Variants in PRR5L observed in about 807,000 individuals in gnomAD.
PRR5L encodes proline-rich protein 5-like.
A neutral mutation model predicts 36.4 loss-of-function variants in PRR5L; 21 were observed. The ratio of observed to expected loss-of-function variants is 0.58; its 90% confidence interval spans 0.41 to 0.83. The LOEUF (loss-of-function observed/expected upper bound fraction) is 0.83, where lower values mean the gene tolerates loss of function less well. PRR5L is among the 40% of genes least tolerant of loss of function. The pLI is 0.00. For synonymous variants in PRR5L, 188 were observed against 197.0 expected (o/e 0.95, Z 0.38); for missense variants, 381 against 473.3 (o/e 0.80, Z 1.81).
At chr11:36,333,362 T>C (rs2133474002) in intron 1 of PRR5L, among the ~76,000 whole-genome samples, 1 of 152,262 alleles carries the variant, frequency 6.6e-6, no homozygotes, top group South Asian at 2.1e-4. Flanking sequence ...CCATACGACC[T>C]GGCCATTCCA....
intron 8 of PRR5L, among the ~76,000 whole-genome samples, chr11:36,456,226 A>T (rs1859054250): frequency 6.6e-6 from 1 of 152,270 alleles, no homozygotes; most frequent in Middle Eastern, 3.4e-3. Context: ...GCCCAGCTAA[A>T]GGTGGCCTGG....
intron 3 of PRR5L, among the ~76,000 whole-genome samples, chr11:36,417,258 T>C (rs1858164523): frequency 6.6e-6 from 1 of 152,208 alleles, no homozygotes; most frequent in South Asian, 2.1e-4. Context: ...TCTTCACCTA[T>C]GGTTTTGAGA....
chr11:36,431,923 C>A lies in PRR5L; in HGVS notation c.352+13C>A. On this transcript the variant is annotated intron_variant, in intron 5 of 8. Transcript: ENST00000530639. ...AAGCTGTGTGAAGGCAAGTACAAGA[C>A]AGCCCTGGTAGACTGGGGCCTCTGT... The A allele has an allele frequency of 3.1e-6, 5 of 1,612,544 alleles. No individual in the cohort carries two copies. Among genetic ancestry groups the A allele is most frequent in the Non-Finnish European group, 3.4e-6 (4 of 1,178,640 alleles).
chr11:36,401,550 G>A (rs953431887), intron 2 of PRR5L, among the ~76,000 whole-genome samples: 2 of 151,978 alleles, frequency 1.3e-5, no homozygotes, highest in Non-Finnish European at 1.5e-5. Context: ...CCAGCCTCCC[G>A]AGTAGCTGGG....
At position 36,408,978 on chromosome 11, in the gene PRR5L, G is replaced by A. The variant is rs143480462; in HGVS notation, c.245+5600G>A. On this transcript the variant is annotated intron_variant, in intron 3 of 8. Transcript: ENST00000530639. ...CTGCCCAGTACTGGGCTGTATACTG[G>A]GGTGGTCATTGAGTAGGTGGTTTGT... Among the ~76,000 whole-genome samples the A allele has an allele frequency of 1.1e-3, 161 of 152,206 alleles. 2 individuals carry two copies. Among genetic ancestry groups the A allele is most frequent in the Non-Finnish European group, 1.8e-3 (122 of 68,004 alleles).
chr11:36,444,686 C>A (rs941459592), intron 6 of PRR5L, among the ~76,000 whole-genome samples: 6 of 152,176 alleles, frequency 3.9e-5, no homozygotes, highest in Admixed American at 3.9e-4. Context: ...TCTTTCCTTC[C>A]CACCAGAATT....
intron 1 of PRR5L, among the ~76,000 whole-genome samples, chr11:36,313,666 C>G (rs1856526904): frequency 6.6e-6 from 1 of 152,148 alleles, no homozygotes; most frequent in Admixed American, 6.5e-5. Flanking sequence ...ATGAAAAAGC[C>G]AAGCACCTCA....
intron 1 of PRR5L, chr11:36,362,324 C>G (rs1857098717): frequency 6.6e-6 from 1 of 151,830 alleles, no homozygotes; most frequent in African/African-American, 2.4e-5. Flanking sequence ...CTTTTAGCAC[C>G]AAAGTGCTGA....
At chr11:36,445,550 GAGC>G in intron 6 of PRR5L, among the ~76,000 whole-genome samples, 1 of 152,104 alleles carries the variant, frequency 6.6e-6, no homozygotes, top group East Asian at 1.9e-4. Flanking sequence ...TGGGAAACTT[GAGC>G]AGCTCTAAAA....
At chr11:36,301,558 G>C (rs1250973379) in intron 1 of PRR5L, among the ~76,000 whole-genome samples, 1 of 152,156 alleles carries the variant, frequency 6.6e-6, no homozygotes. Flanking sequence ...GTCAGTGTGT[G>C]TGTAGGGGGC....
chr11:36,443,298 A>C (rs1858761691), intron 6 of PRR5L, among the ~76,000 whole-genome samples: 1 of 152,118 alleles, frequency 6.6e-6, no homozygotes, highest in Admixed American at 6.5e-5. Flanking sequence ...ATTAATTGAG[A>C]ACTCACTTAT....
chr11:36,348,571 T>A (rs1856891090), intron 1 of PRR5L, among the ~76,000 whole-genome samples: 1 of 152,242 alleles, frequency 6.6e-6, no homozygotes, highest in African/African-American at 2.4e-5. Flanking sequence ...TGTATTGATT[T>A]GCATCATAAA....
At position 36,308,584 on chromosome 11, in the gene PRR5L, G is replaced by A. The variant is rs1856459198; in HGVS notation, c.-126+12146G>A. Among the ~76,000 whole-genome samples the A allele has an allele frequency of 2.0e-5, 3 of 152,178 alleles. No individual in the cohort carries two copies. In the South Asian group the frequency reaches 6.2e-4, roughly 31 times the overall value. On this transcript the variant is annotated intron_variant, in intron 1 of 8. Coordinates refer to ENST00000530639, the MANE Select transcript of PRR5L (RefSeq NM_001160167.2). ...ATAGTATTGCATTTTAGATTTAGAG[G>A]ACTTTGGAAAGACCTGCTTGACCTC...
At chr11:36,343,089 C>T (rs531976155) in intron 1 of PRR5L, among the ~76,000 whole-genome samples, 10 of 152,300 alleles carry the variant, frequency 6.6e-5, no homozygotes, top group African/African-American at 9.6e-5. Context: ...GAAGGGCTGA[C>T]GATCTCAAAG....
intron 1 of PRR5L, among the ~76,000 whole-genome samples, chr11:36,381,023 A>G (rs917211293): frequency 1.3e-5 from 2 of 152,220 alleles, no homozygotes; most frequent in Non-Finnish European, 2.9e-5. Context: ...TATTTAGCAT[A>G]GAATTATATG....
At chr11:36,416,622 A>AGCTTCAG (rs1858148569) in intron 3 of PRR5L, among the ~76,000 whole-genome samples, 2 of 152,268 alleles carry the variant, frequency 1.3e-5, no homozygotes, top group Non-Finnish European at 2.9e-5. Flanking sequence ...CCTTTCTGCT[A>AGCTTCAG]AGTCTTTGTC....
At chr11:36,376,764 G>A in intron 1 of PRR5L, 3 of 968,534 alleles carry the variant, frequency 3.1e-6, no homozygotes, top group Non-Finnish European at 3.7e-6. Context: ...CAGCAACCGC[G>A]CAGGATTGAG....
At chr11:36,444,293 C>T (rs1373162740) in intron 6 of PRR5L, among the ~76,000 whole-genome samples, 4 of 152,112 alleles carry the variant, frequency 2.6e-5, no homozygotes, top group Non-Finnish European at 5.9e-5. Flanking sequence ...GGTATAATCT[C>T]TGTGTGGGTT....
intron 3 of PRR5L, among the ~76,000 whole-genome samples, chr11:36,419,024 G>T (rs1372265291): frequency 3.9e-5 from 6 of 152,132 alleles, no homozygotes; most frequent in Admixed American, 1.3e-4. Context: ...TTGGCCAGCT[G>T]CCCTCTTCAC....
Sources: gnomAD v4.1 joint callset for allele counts (sites outside exome capture counted in the v4.1 genomes callset) on GRCh38, gnomAD v4.1.1 for gene constraint, MANE v1.5 for transcripts, NCBI Gene and HGNC (gene_info 2026-07-23, HGNC 2026-07-21) for gene names.